The following LIPN variants were observed in gnomAD, a reference collection of about 807,000 sequenced individuals.
The protein encoded by LIPN is lipase member N.
Under a neutral mutation model 43.7 loss-of-function variants are expected in LIPN, and 32 were observed. That is an observed-to-expected ratio of 0.73 (90% CI 0.55 to 0.98). The LOEUF is 0.98. LIPN is among the 50% of genes least tolerant of loss of function. The pLI, the probability that LIPN is intolerant of heterozygous loss-of-function variation, is 0.00. For missense variants in LIPN, 505 were observed against 483.8 expected, an observed-to-expected ratio of 1.04 and a Z score of -0.41; for synonymous variants, 156 against 157.6, an observed-to-expected ratio of 0.99 and a Z score of 0.08.
intron 3 of LIPN, among the ~76,000 whole-genome samples, chr10:88,763,861 T>C (rs1212576071): frequency 6.6e-6 from 1 of 151,978 alleles, no homozygotes; most frequent in Non-Finnish European, 1.5e-5. Flanking sequence ...TCAGTGTCCA[T>C]TTACACTCAC....
At chr10:88,760,582 A>G (rs1842981160) in intron 1 of LIPN, among the ~76,000 whole-genome samples, 1 of 152,164 alleles carries the variant, frequency 6.6e-6, no homozygotes, top group African/African-American at 2.4e-5. Context: ...TAAGAAAAAT[A>G]GTGAAAGCAT....
At chr10:88,777,658 C>G (rs1843317034) in intron 9 of LIPN, among the ~76,000 whole-genome samples, 1 of 152,076 alleles carries the variant, frequency 6.6e-6, no homozygotes, top group Non-Finnish European at 1.5e-5. Flanking sequence ...ACAAACTCTT[C>G]CTGCCTCCCA....
intron 3 of LIPN, 71 bp downstream of exon 3, chr10:88,762,376 G>T: frequency 1.1e-6 from 1 of 875,646 alleles, no homozygotes; most frequent in Non-Finnish European, 1.9e-6. Flanking sequence ...TTTAATGCTA[G>T]ATATGCATCA....
chr10:88,766,374 A>C lies in LIPN; in HGVS notation c.531A>C (p.Thr177=). 6.3e-7 allele frequency: 1 copy of C among 1,576,680 alleles called. No homozygotes were observed. Among genetic ancestry groups the C allele is most frequent in the Non-Finnish European group, 8.7e-7 (1 of 1,146,956 alleles). The change falls in exon 5 of 10, where the codon ACA becomes ACC. Residue 177 remains threonine (T), a synonymous_variant. Coordinates refer to ENST00000404459, the MANE Select transcript of LIPN (RefSeq NM_001102469.2). The part of the protein sequence containing the change: ...LYFIGHSLGT[T]IGFVAFSTMP... The stretch of plus-strand genomic sequence containing the variant: ...TCATTGGACATTCACTTGGCACTAC[A>C]ATAGGTATGTTTATGAGGGTCACTG...
chr10:88,772,795 G>A (rs12255701), intron 7 of LIPN, among the ~76,000 whole-genome samples: 18,751 of 150,522 alleles, frequency 0.12, 1,545 homozygotes, highest in African/African-American at 0.23. Flanking sequence ...TAAATTTGCA[G>A]GATACAACAT....
rs1471961308 is a variant in LIPN at position 88,761,513 on chromosome 10, TG to T, written c.108+1del. 6.3e-7 allele frequency: 1 copy of T among 1,595,876 alleles called. No homozygotes were observed. Among genetic ancestry groups the T allele is most frequent in the Non-Finnish European group, 8.6e-7 (1 of 1,164,458 alleles). On this transcript the variant is annotated splice_donor_variant, in intron 2 of 9. Coordinates refer to ENST00000404459, the MANE Select transcript of LIPN (RefSeq NM_001102469.2). LOFTEE classifies it high-confidence loss of function. ...TGAATCCTGAGGTGTGGATGAATACTGTAAGTCATGGAAAACTGTGAAGAAC... is the reference window on the plus strand; with the variant it reads ...TGAATCCTGAGGTGTGGATGAATACTTAAGTCATGGAAAACTGTGAAGAAC...
rs1044809684 is a variant in LIPN, at chr10:88,762,201, T to C, written c.122T>C (p.Ile41Thr). The change falls in exon 3 of 10, where the codon ATC becomes ACC. Residue 41 changes from isoleucine (I) to threonine (T), a missense_variant. Transcript: ENST00000404459. ...EVWMNTSEII[I>T]YNGYPSEEYE... is the part of the protein sequence containing the mutation. ...TTTACTGGGCAGAGTGAAATCATCATCTACAATGGCTACCCCAGTGAAGAG... is the reference window on the plus strand; with the variant it reads ...TTTACTGGGCAGAGTGAAATCATCACCTACAATGGCTACCCCAGTGAAGAG... 6.9e-6 allele frequency: 11 copies of C among 1,592,816 alleles called. No homozygotes were observed. The highest frequency in any genetic ancestry group is 1.3e-5 in the African/African-American group (1 of 74,516).
rs71022539 is a variant in LIPN at position 88,761,718 on chromosome 10, GCTATCTATCTAT to G, written c.108+238_108+249del. On this transcript the variant is annotated intron_variant, in intron 2 of 9. Coordinates refer to ENST00000404459, the MANE Select transcript of LIPN (RefSeq NM_001102469.2). ...AATGAAAACCAAATTGTGCTATTGT[GCTATCTATCTAT>G]CTATCTATCTATCTATCTATCTATC... Among the ~76,000 whole-genome samples, 19,341 of 145,802 alleles carry G rather than the reference GCTATCTATCTAT, an allele frequency of 0.13. 1,402 individuals carry two copies. Among genetic ancestry groups the G allele is most frequent in the South Asian group, 0.2 (915 of 4,570 alleles).
At chr10:88,772,782 C>T (rs1843231630) in intron 7 of LIPN, among the ~76,000 whole-genome samples, 1 of 150,526 alleles carries the variant, frequency 6.6e-6, no homozygotes, top group Admixed American at 6.6e-5. Flanking sequence ...TAAACAAATT[C>T]ATTAAATTTG....
chr10:88,758,964 A>C (rs1267909457), upstream of LIPN, among the ~76,000 whole-genome samples: 2 of 152,284 alleles, frequency 1.3e-5, no homozygotes, highest in South Asian at 2.1e-4. Context: ...TTTGTTAGAA[A>C]GGATTGTTTT....
intron 5 of LIPN, among the ~76,000 whole-genome samples, chr10:88,767,625 T>C (rs1237443260): frequency 1.7e-5 from 2 of 117,506 alleles, no homozygotes; most frequent in Non-Finnish European, 3.3e-5. Context: ...GACTTAGATA[T>C]GCTCTTATAC....
chr10:88,777,476 A>G (rs915142828), intron 9 of LIPN, among the ~76,000 whole-genome samples: 24 of 151,988 alleles, frequency 1.6e-4, no homozygotes, highest in African/African-American at 5.8e-4. Context: ...TAGTCCGAAG[A>G]CAGACCTCCG....
upstream of LIPN, among the ~76,000 whole-genome samples, chr10:88,757,818 T>G (rs1326477536): frequency 1.3e-5 from 2 of 152,160 alleles, no homozygotes; most frequent in Non-Finnish European, 2.9e-5. Context: ...TATAGACTTA[T>G]GGACACTTAT....
chr10:88,768,667 C>T, intron 5 of LIPN, 125 bp from the exon 6 acceptor site: 5 of 677,916 alleles, frequency 7.4e-6, no homozygotes, highest in Non-Finnish European at 9.9e-6. Flanking sequence ...ACTCAGAAGA[C>T]TTCCAATTCA....
chr10:88,764,261 A>T (rs1186719134), intron 3 of LIPN, 149 bp from the exon 4 acceptor site: 5 of 571,516 alleles, frequency 8.7e-6, no homozygotes, highest in Non-Finnish European at 1.5e-5. Flanking sequence ...TGACAAGGGA[A>T]AAGTGAAAAC....
rs373160880 is a variant in LIPN, at chr10:88,766,408, G to A, written c.535+30G>A. On this transcript the variant is annotated intron_variant, in intron 5 of 9. Transcript: ENST00000404459. ...GTTTATGAGGGTCACTGTTAGGTGT[G>A]TTTTTGAGGGTCAGTTTTCTCAGAG... The A allele has an allele frequency of 4.6e-4, 591 of 1,287,576 alleles. 1 individual carries two copies. The highest frequency in any genetic ancestry group is 5.8e-4 in the Non-Finnish European group (516 of 884,880). The allele number at this position is 1,287,576 out of a possible 1,614,324, so 79.8% of individuals were successfully genotyped here.
At chr10:88,764,127 C>G (rs181292616) in intron 3 of LIPN, among the ~76,000 whole-genome samples, 303 of 151,964 alleles carry the variant, frequency 2.0e-3, no homozygotes, top group Non-Finnish European at 4.0e-3. Flanking sequence ...AAAATAGCAG[C>G]TAGTTTATAG....
chr10:88,777,870 A>T (rs574101872), intron 9 of LIPN, 139 bp from the exon 10 acceptor site: 9 of 565,004 alleles, frequency 1.6e-5, no homozygotes, highest in African/African-American at 1.5e-4. Flanking sequence ...TCTTAAAGGT[A>T]GAGACCATTG....
Position 88,764,178 on chromosome 10 carries a change from G to A in LIPN, c.227-232G>A, listed in dbSNP as rs750575338. On this transcript the variant is annotated intron_variant, in intron 3 of 9. Transcript: ENST00000404459. ...TTAGTAAGCTAATACATATAAATAC[G>A]TCAACATAGCACCAGGTACAAAAAT... 1.6e-4 allele frequency among the ~76,000 whole-genome samples: 24 copies of A among 151,992 alleles called. No homozygotes were observed. The East Asian group carries it at 3.1e-3, about 20-fold the overall frequency.
Sources: gnomAD v4.1 joint callset for allele counts (sites outside exome capture counted in the v4.1 genomes callset) on GRCh38, gnomAD v4.1.1 for gene constraint, MANE v1.5 for transcripts, NCBI Gene and HGNC (gene_info 2026-07-23, HGNC 2026-07-21) for gene names.